The following EHBP1 variants were observed in gnomAD, a reference collection of about 807,000 sequenced individuals.
EHBP1 encodes EH domain binding protein 1, also known as EH domain-binding protein 1.
EHBP1 carries 55 observed loss-of-function variants against 144.0 expected under a neutral mutation model. The observed-to-expected ratio is 0.38, with a 90% CI of 0.31 to 0.48. EHBP1 has a LOEUF of 0.48. Ranked by LOEUF, EHBP1 falls within the 20% of genes least tolerant of loss-of-function variation. The pLI, the probability that EHBP1 is intolerant of heterozygous loss-of-function variation, is 0.98. For missense variants in EHBP1, 1,200 were observed against 1,364.2 expected, an observed-to-expected ratio of 0.88 and a Z score of 1.90; for synonymous variants, 469 against 472.7, an observed-to-expected ratio of 0.99 and a Z score of 0.10.
chr2:62,986,601 G>T (rs2059202556), intron 15 of EHBP1, among the ~76,000 whole-genome samples: 1 of 151,692 alleles, frequency 6.6e-6, no homozygotes. Flanking sequence ...ACCACACCCG[G>T]CTAATTTTTT....
intron 19 of EHBP1, among the ~76,000 whole-genome samples, chr2:62,997,783 A>G (rs944466141): frequency 6.6e-6 from 1 of 152,186 alleles, no homozygotes; most frequent in Admixed American, 6.5e-5. Flanking sequence ...AAATCAGAGC[A>G]TATTAGAACA....
At chr2:62,831,296 C>A in intron 7 of EHBP1, 138 bp downstream of exon 7, 2 of 770,946 alleles carry the variant, frequency 2.6e-6, no homozygotes, top group Non-Finnish European at 4.0e-6. Flanking sequence ...ATAAAATATA[C>A]CATTTAGTTC....
chr2:62,708,434 A>G (rs1002594489), intron 2 of EHBP1, among the ~76,000 whole-genome samples: 4 of 152,238 alleles, frequency 2.6e-5, no homozygotes, highest in African/African-American at 9.6e-5. Flanking sequence ...ATGCAATAAT[A>G]TAAATATGTA....
chr2:62,953,405 G>A (rs953231009), intron 13 of EHBP1, among the ~76,000 whole-genome samples: 1 of 151,362 alleles, frequency 6.6e-6, no homozygotes, highest in African/African-American at 2.4e-5. Flanking sequence ...CAAGTTTTAG[G>A]CTGGGCATGG....
rs765493377 is a variant in EHBP1, at chr2:62,678,813, T to G, written c.-296+4730T>G. Among the ~76,000 whole-genome samples the G allele has an allele frequency of 3.3e-5, 5 of 152,234 alleles. No homozygotes were observed. In the East Asian group the frequency reaches 9.6e-4, roughly 29 times the overall value. The stretch of plus-strand genomic sequence containing the variant: ...TTTATATATTTAGTGCTCTACATTT[T>G]TATTACATGTATATTTACTAAAAAC... On this transcript the variant is annotated intron_variant, in intron 1 of 22. Transcript: ENST00000405015.
At position 62,864,834 on chromosome 2, in the gene EHBP1, A is replaced by T; in HGVS notation, c.861A>T (p.Pro287=). Residue 287 remains proline (P), a synonymous_variant, in exon 9 of 23, where the codon CCA becomes CCT. Transcript: ENST00000431489. ...TGCAGACTCCACAGTATTTGAACCC[A>T]TTCGATGAGCCAGAAGCATTTGTGA... ...KEVQTPQYLN[P]FDEPEAFVTI... 3.1e-6 allele frequency: 5 copies of T among 1,614,114 alleles called. No individual in the cohort carries two copies. Among genetic ancestry groups the T allele is most frequent in the Non-Finnish European group, 4.2e-6 (5 of 1,180,000 alleles).
intron 19 of EHBP1, among the ~76,000 whole-genome samples, chr2:63,022,729 T>G (rs1213663381): frequency 2.6e-5 from 4 of 152,212 alleles, no homozygotes; most frequent in Non-Finnish European, 4.4e-5. Context: ...AAAACTGAAC[T>G]TATATAGTCA....
intron 10 of EHBP1, among the ~76,000 whole-genome samples, chr2:62,876,204 G>A (rs1468941046): frequency 6.6e-6 from 1 of 152,010 alleles, no homozygotes; most frequent in Non-Finnish European, 1.5e-5. Context: ...AGATCAAAGT[G>A]AAAGAAAAAA....
chr2:62,681,340 G>GTATATATGTATATATATATA (rs2033511646), intron 1 of EHBP1, among the ~76,000 whole-genome samples: 2 of 58,554 alleles, frequency 3.4e-5, no homozygotes, highest in Non-Finnish European at 6.0e-5. Flanking sequence ...ATGTGTGTGT[G>GTATATATGTATATATATATA]TATATATATA....
At chr2:63,021,847 A>C (rs1428474825) in intron 19 of EHBP1, among the ~76,000 whole-genome samples, 2 of 151,360 alleles carry the variant, frequency 1.3e-5, no homozygotes, top group Non-Finnish European at 2.9e-5. Flanking sequence ...GCTCACTACA[A>C]CCTCCGCCTC....
At position 63,045,169 on chromosome 2, in the gene EHBP1, G is replaced by T; in HGVS notation, c.3381G>T (p.Ala1127=). The T allele has an allele frequency of 6.3e-7, 1 of 1,585,398 alleles. No homozygotes were observed. The highest frequency in any genetic ancestry group is 8.6e-7 in the Non-Finnish European group (1 of 1,165,032). ...ATGCGCTCGTCAGGGACCTGGACGC[G>T]CAGGAGAAGCAGTGAGTGGGCAGTG... The part of the protein sequence containing the change: ...KRDALVRDLD[A]QEKQAEEEDE... The change falls in exon 22 of 23, where the codon GCG becomes GCT. Residue 1127 remains alanine (A), a synonymous_variant. Coordinates refer to ENST00000431489, the MANE Select transcript of EHBP1 (RefSeq NM_001142616.3). The surrounding 1 kb of genome is among the most constrained non-coding windows in gnomAD (Gnocchi z 5.7).
intron 15 of EHBP1, among the ~76,000 whole-genome samples, chr2:62,988,471 T>C (rs548585234): frequency 2.1e-4 from 32 of 152,298 alleles, no homozygotes; most frequent in African/African-American, 7.7e-4. Flanking sequence ...GATTTTCTGC[T>C]TACCTTACTT....
chr2:62,903,331 T>G (rs990297359), intron 10 of EHBP1, among the ~76,000 whole-genome samples: 2 of 152,300 alleles, frequency 1.3e-5, no homozygotes, highest in East Asian at 3.9e-4. Context: ...TATATGATAG[T>G]TAACTCCTAT....
At chr2:62,906,314 C>CTAGA (rs2053808623) in intron 10 of EHBP1, among the ~76,000 whole-genome samples, 1 of 152,100 alleles carries the variant, frequency 6.6e-6, no homozygotes, top group African/African-American at 2.4e-5. Context: ...ATCTGTTTGT[C>CTAGA]TATCTTTACA....
intron 8 of EHBP1, among the ~76,000 whole-genome samples, chr2:62,862,049 A>G (rs1009593211): frequency 6.6e-6 from 1 of 152,212 alleles, no homozygotes; most frequent in African/African-American, 2.4e-5. Flanking sequence ...CTTAATTTAC[A>G]TGATTATAAA....
chr2:62,960,525 A>G (rs2057949706), intron 14 of EHBP1, among the ~76,000 whole-genome samples: 1 of 152,132 alleles, frequency 6.6e-6, no homozygotes, highest in Non-Finnish European at 1.5e-5. Context: ...ATAATTATCT[A>G]ATTACAAATC....
intron 7 of EHBP1, among the ~76,000 whole-genome samples, chr2:62,835,291 T>C (rs1419079597): frequency 6.6e-6 from 1 of 152,198 alleles, no homozygotes; most frequent in African/African-American, 2.4e-5. Context: ...GGGGCTTTTC[T>C]TATTTTTTCC....
At chr2:62,768,842 A>G (rs994871325) in intron 4 of EHBP1, among the ~76,000 whole-genome samples, 1 of 152,364 alleles carries the variant, frequency 6.6e-6, no homozygotes, top group East Asian at 1.9e-4. Context: ...AGTCCTCGGA[A>G]TGCAAAGTTG....
intron 2 of EHBP1, among the ~76,000 whole-genome samples, chr2:62,745,123 A>G (rs982709880): frequency 1.3e-5 from 2 of 152,112 alleles, no homozygotes; most frequent in Non-Finnish European, 2.9e-5. Flanking sequence ...AATTATAATT[A>G]ACCAATTGGG....
Sources: gnomAD v4.1 joint callset for allele counts (sites outside exome capture counted in the v4.1 genomes callset) on GRCh38, gnomAD v4.1.1 for gene constraint, Gnocchi (gnomAD v3.1) non-coding constraint, MANE v1.5 for transcripts, NCBI Gene and HGNC (gene_info 2026-07-23, HGNC 2026-07-21) for gene names.